The following TMEM184B variants were observed in gnomAD, a reference collection of about 807,000 sequenced individuals.
TMEM184B encodes putative MAPK-activating protein FM08.
In TMEM184B, 17 loss-of-function variants were observed where a neutral mutation model predicts 41.8. The observed-to-expected ratio is 0.41, with a 90% confidence interval of 0.28 to 0.61. The LOEUF is 0.61. Ranked by LOEUF, TMEM184B falls within the 20% of genes least tolerant of loss-of-function variation. TMEM184B has a pLI of 0.34. For missense variants in TMEM184B, 393 were observed against 557.8 expected (o/e 0.70, Z 2.98); for synonymous variants, 240 against 229.5 (o/e 1.05, Z -0.41).
chr22:38,253,926 C>T (rs1004475538), intron 1 of TMEM184B, among the ~76,000 whole-genome samples: 6 of 152,010 alleles, frequency 3.9e-5, no homozygotes, highest in Non-Finnish European at 7.4e-5. Context: ...ATGGGCCAGG[C>T]GCGGTGGTTC....
chr22:38,223,212 G>A (rs1964073070), intron 8 of TMEM184B: 1 of 152,680 alleles, frequency 6.5e-6, no homozygotes, highest in Admixed American at 6.5e-5. Context: ...CCCCGGCCGG[G>A]CGTGGGTATG....
At chr22:38,263,962 G>A (rs1054898408) in intron 1 of TMEM184B, among the ~76,000 whole-genome samples, 2 of 152,074 alleles carry the variant, frequency 1.3e-5, no homozygotes, top group Non-Finnish European at 1.5e-5. Flanking sequence ...GTGTCACCAC[G>A]CTGGGCTAAT....
At position 38,220,457 on chromosome 22, in the gene TMEM184B, T is replaced by A; in HGVS notation, c.*1012A>T. 2.0e-6 allele frequency: 2 copies of A among 983,940 alleles called. No individual in the cohort carries two copies. The highest frequency in any genetic ancestry group is 9.4e-5 in the South Asian group (2 of 21,196). The allele number at this position is 983,940 out of a possible 1,614,324, so 61.0% of individuals were successfully genotyped here. ...GTGTGGATAGGGGCCCCGAGAGGAGTCTGGGACCATTCCCCCCACCTCCCA... is the reference window on the plus strand; with the variant it reads ...GTGTGGATAGGGGCCCCGAGAGGAGACTGGGACCATTCCCCCCACCTCCCA... On this transcript the variant is annotated 3_prime_UTR_variant, in exon 9 of 9. Transcript: ENST00000361906.
intron 1 of TMEM184B, among the ~76,000 whole-genome samples, chr22:38,256,746 C>A (rs550622210): frequency 6.6e-6 from 1 of 152,180 alleles, no homozygotes; most frequent in Admixed American, 6.6e-5. Flanking sequence ...AGCAACACTG[C>A]GCAATCTTGT....
At position 38,231,338 on chromosome 22, in the gene TMEM184B, C is replaced by A. The variant is rs367953920; in HGVS notation, c.359-4G>T. On this transcript the variant is annotated splice_region_variant and splice_polypyrimidine_tract_variant and intron_variant, in intron 3 of 8. Coordinates refer to ENST00000361906, the MANE Select transcript of TMEM184B (RefSeq NM_012264.5). ...AGGAAATTATAGATGACCAAGGCTG[C>A]GAAGAGAGTGTCCAGGAGAAACCAG... is the stretch of plus-strand genomic sequence containing the variant. 4 of 1,613,104 alleles carry A rather than the reference C, an allele frequency of 2.5e-6. No homozygotes were observed. Among genetic ancestry groups the A allele is most frequent in the South Asian group, 1.1e-5 (1 of 91,076 alleles).
At chr22:38,249,200 A>G (rs1303794892) in intron 1 of TMEM184B, among the ~76,000 whole-genome samples, 2 of 152,236 alleles carry the variant, frequency 1.3e-5, no homozygotes, top group Admixed American at 6.5e-5. Flanking sequence ...CCCAGGCTAG[A>G]GTGCAATGGT....
At chr22:38,222,632 C>A in intron 8 of TMEM184B, 2 of 985,412 alleles carry the variant, frequency 2.0e-6, no homozygotes, top group Middle Eastern at 5.2e-4. Flanking sequence ...AGACCAAGAG[C>A]GGGACCTACC....
At position 38,225,768 on chromosome 22, in the gene TMEM184B, A is replaced by G. The variant is rs549492664; in HGVS notation, c.618-175T>C. Among the ~76,000 whole-genome samples the G allele has an allele frequency of 2.0e-4, 30 of 152,264 alleles. 1 individual carries two copies. Among genetic ancestry groups the G allele is most frequent in the African/African-American group, 7.2e-4 (30 of 41,558 alleles). On this transcript the variant is annotated intron_variant, in intron 6 of 8. Transcript: ENST00000361906. The surrounding 1 kb of genome is among the most constrained non-coding windows in gnomAD (Gnocchi z 4.4). ...AAGCGACAGACAGGGGTGGGGGTAC[A>G]TGGGGTGCGCCTGCAGGCCAGACCA...
At chr22:38,272,242 C>G (rs145351552) in intron 1 of TMEM184B, among the ~76,000 whole-genome samples, 2 of 152,286 alleles carry the variant, frequency 1.3e-5, no homozygotes, top group Non-Finnish European at 2.9e-5. Flanking sequence ...TGGATCCAAG[C>G]GAGGTACCAA....
chr22:38,254,262 A>G (rs1030546958), intron 1 of TMEM184B, among the ~76,000 whole-genome samples: 2 of 151,980 alleles, frequency 1.3e-5, no homozygotes, highest in African/African-American at 4.8e-5. Flanking sequence ...CCACTTGAAA[A>G]TAGGCAAAAT....
rs528513821 is a variant in TMEM184B at position 38,267,655 on chromosome 22, A to G, written c.-59+5229T>C. ...ACCATGTTGGCCAGGCTGGTCTCCA[A>G]TTCCTGAGCTCAAGTGATCTGCCCA... On this transcript the variant is annotated intron_variant, in intron 1 of 8. Transcript: ENST00000361906. Among the ~76,000 whole-genome samples, 3 of 152,108 alleles carry G rather than the reference A, an allele frequency of 2.0e-5. No homozygotes were observed. In the East Asian group the frequency reaches 5.8e-4, roughly 29 times the overall value.
At chr22:38,238,959 G>A (rs971282415) in intron 3 of TMEM184B, among the ~76,000 whole-genome samples, 1 of 152,212 alleles carries the variant, frequency 6.6e-6, no homozygotes, top group Non-Finnish European at 1.5e-5. Flanking sequence ...TGAAAAACAC[G>A]TGGGAAAACT....
intron 8 of TMEM184B, 43 bp from the exon 9 acceptor site, chr22:38,221,753 C>T (rs577336509): frequency 2.9e-5 from 46 of 1,602,450 alleles, no homozygotes; most frequent in Middle Eastern, 1.8e-4. Context: ...GAGGCTGGGA[C>T]GGTGAGAGGG....
intron 1 of TMEM184B, among the ~76,000 whole-genome samples, chr22:38,265,377 C>A (rs550084612): frequency 6.6e-6 from 1 of 152,262 alleles, no homozygotes; most frequent in South Asian, 2.1e-4. Context: ...CACGTGCTTT[C>A]CAGGTCTAAG....
intron 2 of TMEM184B, among the ~76,000 whole-genome samples, chr22:38,247,146 C>T (rs1397232418): frequency 6.6e-6 from 1 of 152,196 alleles, no homozygotes; most frequent in Non-Finnish European, 1.5e-5. Context: ...ACTCTACCAC[C>T]AACTTCCAAG....
Position 38,219,332 on chromosome 22 carries a change from TTCC to T in TMEM184B, c.*2134_*2136del, listed in dbSNP as rs929871838. 52 of 985,704 alleles carry T rather than the reference TTCC, an allele frequency of 5.3e-5. No homozygotes were observed. Among genetic ancestry groups the T allele is most frequent in the Non-Finnish European group, 5.7e-5 (47 of 829,932 alleles). 61.1% of individuals were successfully genotyped at this position (985,704 alleles called of 1,614,324 possible). ...CTATATTATCTCATATATAGATTTC[TTCC>T]TCACTTTATTTGCTCACTTCTGTCA... On this transcript the variant is annotated 3_prime_UTR_variant, in exon 9 of 9. Transcript: ENST00000361906.
chr22:38,222,638 C>T, intron 8 of TMEM184B: 1 of 985,456 alleles, frequency 1.0e-6, no homozygotes, highest in African/African-American at 1.7e-5. Context: ...AGAGCGGGAC[C>T]TACCGTAAGG....
At chr22:38,269,634 C>G (rs1191211552) in intron 1 of TMEM184B, among the ~76,000 whole-genome samples, 1 of 152,146 alleles carries the variant, frequency 6.6e-6, no homozygotes, top group Non-Finnish European at 1.5e-5. Context: ...GAGGTAGAAG[C>G]TGCAGCAAGC....
At position 38,225,896 on chromosome 22, in the gene TMEM184B, A is replaced by G. The variant is rs2091421249; in HGVS notation, c.618-303T>C. On this transcript the variant is annotated intron_variant, in intron 6 of 8. Transcript: ENST00000361906. This position sits in a 1 kb window ranked among gnomAD's most constrained non-coding sequence, Gnocchi z 4.4. ...AAGCCAGGGCCGGGCCCGAGGCCATAGCCTGACACTCAGATAACAGGCGTC... is the reference window on the plus strand; with the variant it reads ...AAGCCAGGGCCGGGCCCGAGGCCATGGCCTGACACTCAGATAACAGGCGTC... Among the ~76,000 whole-genome samples the G allele has an allele frequency of 6.6e-6, 1 of 152,130 alleles. No individual in the cohort carries two copies.
Sources: gnomAD v4.1 joint callset for allele counts (sites outside exome capture counted in the v4.1 genomes callset) on GRCh38, gnomAD v4.1.1 for gene constraint, Gnocchi (gnomAD v3.1) non-coding constraint, MANE v1.5 for transcripts, NCBI Gene and HGNC (gene_info 2026-07-23, HGNC 2026-07-21) for gene names.